Variants in HERC2 observed in about 807,000 individuals in gnomAD.
The protein encoded by HERC2 is HECT and RLD domain containing E3 ubiquitin protein ligase 2, also known as E3 ubiquitin-protein ligase HERC2.
Under a neutral mutation model 537.7 loss-of-function variants are expected in HERC2, and 102 were observed. The observed-to-expected ratio is 0.19, with a 90% CI of 0.16 to 0.22. The LOEUF (loss-of-function observed/expected upper bound fraction) is 0.22. Among genes scored for constraint, HERC2 ranks in the 10% least tolerant of loss-of-function variants. The pLI, the probability that HERC2 is intolerant of heterozygous loss-of-function variation, is 1.00. For synonymous variants in HERC2, 2,224 were observed against 2,466.2 expected (o/e 0.90, Z 2.91); for missense variants, 4,236 against 6,198.2 (o/e 0.68, Z 10.63).
Position 28,294,587 on chromosome 15 carries a change from A to T in HERC2, c.188-1565T>A, listed in dbSNP as rs988757506. 4.5e-4 allele frequency among the ~76,000 whole-genome samples: 68 copies of T among 150,478 alleles called. 1 individual carries two copies. The highest frequency in any genetic ancestry group is 1.5e-3 in the African/African-American group (61 of 40,926). On this transcript the variant is annotated intron_variant, in intron 3 of 92. Coordinates refer to ENST00000261609, the MANE Select transcript of HERC2 (RefSeq NM_004667.6). ...CACGGATAAGATCCCAAAGCCAAAC[A>T]ACCTCCTTATCGCGGAAACCCGACC...
At chr15:28,259,048 A>G (rs528969974) in intron 16 of HERC2, among the ~76,000 whole-genome samples, 1 of 152,340 alleles carries the variant, frequency 6.6e-6, no homozygotes, top group Non-Finnish European at 1.5e-5. Flanking sequence ...TCACCTGAAT[A>G]CTTCTATATC....
At chr15:28,187,178 A>G (rs967741883) in intron 55 of HERC2, among the ~76,000 whole-genome samples, 1 of 152,208 alleles carries the variant, frequency 6.6e-6, no homozygotes, top group African/African-American at 2.4e-5. Context: ...AACAAATAGT[A>G]CAAAGAACTC....
In HERC2 at chr15:28,201,492, A is replaced by G. The variant is rs76296532; in HGVS notation, c.7680T>C (p.Asn2560=). The change falls in exon 48 of 93, where the codon AAT becomes AAC. Residue 2560 remains asparagine, a synonymous_variant. Coordinates refer to ENST00000261609, the MANE Select transcript of HERC2 (RefSeq NM_004667.6). ...CTCTCACATATACAGCATAATCATC[A>G]TTACTCAAGAAATCAGCTCGTTTTT... The part of the protein sequence containing the change: ...TYKKRADFLS[N]DDYAVYVREN... The G allele has an allele frequency of 6.9e-3, 11,082 of 1,612,420 alleles. 653 individuals carry two copies. The African/African-American group carries it at 0.13, about 19-fold the overall frequency.
chr15:28,274,476 C>CT, intron 6 of HERC2, 29 bp from the exon 7 acceptor site: 1 of 1,574,598 alleles, frequency 6.4e-7, no homozygotes, highest in Non-Finnish European at 8.6e-7. Context: ...CAGAGGAGCC[C>CT]CCCCACTCCC....
rs1285719509 is a variant in HERC2 at position 28,202,256 on chromosome 15, G to A, written c.7481-7C>T. The A allele has an allele frequency of 3.1e-6, 5 of 1,611,838 alleles. No individual in the cohort carries two copies. Among genetic ancestry groups the A allele is most frequent in the Non-Finnish European group, 4.2e-6 (5 of 1,178,378 alleles). Reference sequence around the variant, plus strand: ...CCGACCAAGGCTTCCACACCTAAGAGAGGCACACACAGCACAGCAGCCACT... The same window carrying A: ...CCGACCAAGGCTTCCACACCTAAGAAAGGCACACACAGCACAGCAGCCACT... On this transcript the variant is annotated splice_region_variant and splice_polypyrimidine_tract_variant and intron_variant, in intron 46 of 92. Transcript: ENST00000261609.
intron 20 of HERC2, among the ~76,000 whole-genome samples, chr15:28,250,705 G>A (rs1298640160): frequency 6.6e-6 from 1 of 152,102 alleles, no homozygotes; most frequent in East Asian, 1.9e-4. Context: ...AGTCTCTTAC[G>A]ATCTTTAGAT....
intron 7 of HERC2, among the ~76,000 whole-genome samples, chr15:28,273,820 A>G (rs1473501891): frequency 6.6e-6 from 1 of 152,208 alleles, no homozygotes; most frequent in Non-Finnish European, 1.5e-5. Context: ...CCAAGACCAG[A>G]GTTCATGTTT....
At position 28,191,936 on chromosome 15, in the gene HERC2, G is replaced by A. The variant is rs371789163; in HGVS notation, c.8451+25C>T. ...CAAAACCATCGGTGTGAAAGTGCCCGCTGCTGTGCCCTATTAGATGCTACC... is the reference window on the plus strand; with the variant it reads ...CAAAACCATCGGTGTGAAAGTGCCCACTGCTGTGCCCTATTAGATGCTACC... On this transcript the variant is annotated intron_variant, in intron 53 of 92. Transcript: ENST00000261609. 45 of 1,594,444 alleles carry A rather than the reference G, an allele frequency of 2.8e-5. No homozygotes were observed. In the Middle Eastern group the frequency reaches 6.7e-4, roughly 24 times the overall value.
At chr15:28,301,735 G>GTGTGTA (rs1468330361) in intron 2 of HERC2, among the ~76,000 whole-genome samples, 26 of 35,346 alleles carry the variant, frequency 7.4e-4, no homozygotes, top group African/African-American at 2.0e-3. Flanking sequence ...GTATGTATGT[G>GTGTGTA]TATATATATA....
chr15:28,231,790 C>G (rs1363822529), intron 30 of HERC2, among the ~76,000 whole-genome samples: 4 of 151,280 alleles, frequency 2.6e-5, no homozygotes, highest in Non-Finnish European at 4.4e-5. Context: ...ATCCCTGACA[C>G]AGCAACAGGA....
chr15:28,280,868 T>A (rs571080389), intron 4 of HERC2, among the ~76,000 whole-genome samples: 4 of 151,906 alleles, frequency 2.6e-5, no homozygotes, highest in African/African-American at 9.7e-5. Context: ...TGAGATTTTG[T>A]CACTGCACTC....
intron 78 of HERC2, among the ~76,000 whole-genome samples, chr15:28,139,672 C>A (rs2142224345): frequency 6.6e-6 from 1 of 152,282 alleles, no homozygotes; most frequent in South Asian, 2.1e-4. Context: ...CAAACACAAG[C>A]CAGATACATA....
In HERC2 at chr15:28,177,321, T is replaced by C; in HGVS notation, c.9254+98A>G. The C allele has an allele frequency of 7.4e-7, 1 of 1,355,616 alleles. No homozygotes were observed. The highest frequency in any genetic ancestry group is 1.0e-6 in the Non-Finnish European group (1 of 967,854). The allele number at this position is 1,355,616 out of a possible 1,614,324, so 84.0% of individuals were successfully genotyped here. A position where few individuals can be genotyped will look rare whatever the true frequency, so the allele number is the denominator to read the frequency against. ...AAATTTTGTTTAAGAACCATTTCTA[T>C]AATCTATTCTATTCTAATTTTCTGC... On this transcript the variant is annotated intron_variant, in intron 60 of 92. Transcript: ENST00000261609. This position sits in a 1 kb window ranked among gnomAD's most constrained non-coding sequence, Gnocchi z 5.0.
intron 19 of HERC2, among the ~76,000 whole-genome samples, chr15:28,255,335 A>C (rs548671888): frequency 1.8e-4 from 28 of 152,080 alleles, no homozygotes; most frequent in African/African-American, 6.0e-4. Context: ...CGCTGTCTCA[A>C]AAAAAAAGAA....
At chr15:28,130,435 A>C in intron 82 of HERC2, 68 bp downstream of exon 82, 2 of 1,579,436 alleles carry the variant, frequency 1.3e-6, no homozygotes, top group Non-Finnish European at 1.7e-6. Flanking sequence ...CCATCCATGA[A>C]AAGGTGGTGC....
intron 21 of HERC2, 28 bp downstream of exon 21, chr15:28,248,524 A>G (rs1903945553): frequency 1.3e-6 from 2 of 1,578,010 alleles, no homozygotes; most frequent in African/African-American, 2.7e-5. Context: ...ATCACATACA[A>G]GACACTTTCA....
In HERC2 at chr15:28,165,218, G is replaced by A. The variant is rs149266177; in HGVS notation, c.10555-1933C>T. Among the ~76,000 whole-genome samples the A allele has an allele frequency of 1.9e-3, 295 of 152,302 alleles. 2 individuals are homozygous for A. The highest frequency in any genetic ancestry group is 0.014 in the Middle Eastern group (4 of 294). ...GAGGTCACGTAGGGTGACCATGGAG[G>A]ACCATGGAGGCAGACTGGTTCTGAG... is the stretch of plus-strand genomic sequence containing the variant. On this transcript the variant is annotated intron_variant, in intron 68 of 92. Coordinates refer to ENST00000261609, the MANE Select transcript of HERC2 (RefSeq NM_004667.6).
intron 6 of HERC2, 52 bp downstream of exon 6, chr15:28,274,853 G>T: frequency 7.2e-7 from 1 of 1,391,698 alleles, no homozygotes; most frequent in Non-Finnish European, 1.0e-6. Flanking sequence ...TCGAAACCCA[G>T]TCTGTTGATG....
At position 28,167,780 on chromosome 15, in the gene HERC2, C is replaced by T. The variant is rs747812353; in HGVS notation, c.10461G>A (p.Ser3487=). The change falls in exon 68 of 93, where the codon TCG becomes TCA. Residue 3487 remains serine (S), a synonymous_variant. Transcript: ENST00000261609. The stretch of plus-strand genomic sequence containing the variant: ...AAGGCCGAGCGGAGGCTGAGGGGGC[C>T]GACGGAGTCACTGCAGAGGGGGTCA... The part of the protein sequence containing the change: ...DAVTPSAVTP[S]APSASARPFI... 1.5e-5 allele frequency: 24 copies of T among 1,614,092 alleles called. No homozygotes were observed. The highest frequency in any genetic ancestry group is 2.2e-5 in the East Asian group (1 of 44,868).
Sources: allele counts gnomAD v4.1 joint callset (sites outside exome capture counted in the v4.1 genomes callset), GRCh38; gene constraint gnomAD v4.1.1; non-coding constraint Gnocchi (gnomAD v3.1); transcripts MANE v1.5; gene names NCBI Gene and HGNC (gene_info 2026-07-23, HGNC 2026-07-21).